Variants in LRRFIP1 observed in about 807,000 individuals in gnomAD.
LRRFIP1 encodes leucine-rich repeat flightless-interacting protein 1.
In LRRFIP1, 62 loss-of-function variants were observed where a neutral mutation model predicts 104.4. The observed-to-expected ratio is 0.59, with a 90% CI of 0.48 to 0.73. The LOEUF (loss-of-function observed/expected upper bound fraction) is 0.73, where lower values mean the gene tolerates loss of function less well. LRRFIP1 is among the 30% of genes least tolerant of loss of function. The probability of loss-of-function intolerance (pLI) is 0.00; values close to 1 mark genes in which losing one functional copy is unlikely to be tolerated. For synonymous variants in LRRFIP1, 300 were observed against 299.0 expected (o/e 1.00, Z -0.03); for missense variants, 796 against 824.5 (o/e 0.97, Z 0.42).
intron 8 of LRRFIP1, among the ~76,000 whole-genome samples, chr2:237,731,487 C>T (rs963625505): frequency 1.5e-4 from 23 of 152,000 alleles, no homozygotes; most frequent in East Asian, 1.9e-4. Flanking sequence ...AAGCTGATGG[C>T]CCTTCTGTCC....
intron 1 of LRRFIP1, among the ~76,000 whole-genome samples, chr2:237,655,102 C>CT (rs1170742860): frequency 0.022 from 1,297 of 58,328 alleles, 317 homozygotes; most frequent in African/African-American, 0.043. Flanking sequence ...GATCTCACTT[C>CT]TTTTTTTTTT....
intron 5 of LRRFIP1, 150 bp downstream of exon 5, chr2:237,719,717 G>C (rs1006290166): frequency 3.7e-6 from 2 of 543,260 alleles, no homozygotes; most frequent in African/African-American, 3.8e-5. Context: ...ATAGAATACT[G>C]ATATTATTAC....
intron 11 of LRRFIP1, among the ~76,000 whole-genome samples, chr2:237,742,475 G>A (rs968924804): frequency 1.3e-5 from 2 of 152,200 alleles, no homozygotes; most frequent in African/African-American, 4.8e-5. Flanking sequence ...ATGTGTTACG[G>A]TATCCCTTGA....
intron 23 of LRRFIP1, among the ~76,000 whole-genome samples, chr2:237,774,813 C>T (rs767239253): frequency 5.3e-5 from 8 of 152,212 alleles, no homozygotes; most frequent in Non-Finnish European, 1.2e-4. Flanking sequence ...GGACCAGGAG[C>T]CCATGGGCCT....
intron 1 of LRRFIP1, among the ~76,000 whole-genome samples, chr2:237,681,741 G>A (rs1445416560): frequency 8.2e-6 from 1 of 121,318 alleles, no homozygotes; most frequent in African/African-American, 3.1e-5. Flanking sequence ...GTGCAGTGGC[G>A]GGATCTCGGC....
At chr2:237,763,645 T>C (rs141683826) in intron 19 of LRRFIP1, 3 of 1,613,972 alleles carry the variant, frequency 1.9e-6, no homozygotes, top group South Asian at 1.1e-5. Context: ...ATGTTGATTG[T>C]CCGGAGAATC....
chr2:237,778,267 A>C (rs1416527727), intron 23 of LRRFIP1, among the ~76,000 whole-genome samples: 6 of 152,210 alleles, frequency 3.9e-5, no homozygotes, highest in African/African-American at 1.4e-4. Context: ...TGGGGTCGGG[A>C]CTTCTGTCCC....
At chr2:237,746,062 ATTT>A (rs201079085) in intron 11 of LRRFIP1, among the ~76,000 whole-genome samples, 2 of 141,026 alleles carry the variant, frequency 1.4e-5, no homozygotes, top group Admixed American at 7.1e-5. Context: ...TATTTTATTT[ATTT>A]TTTTTTTTTT....
intron 1 of LRRFIP1, among the ~76,000 whole-genome samples, chr2:237,665,490 A>C (rs1472854874): frequency 6.6e-6 from 1 of 152,216 alleles, no homozygotes; most frequent in African/African-American, 2.4e-5. Context: ...AAGCCAACAC[A>C]TCTTAATTTG....
intron 11 of LRRFIP1, among the ~76,000 whole-genome samples, chr2:237,743,431 C>T (rs1187545219): frequency 6.6e-6 from 1 of 152,192 alleles, no homozygotes; most frequent in Non-Finnish European, 1.5e-5. Context: ...GTTTTCTCCA[C>T]CCACTTGGTC....
intron 6 of LRRFIP1, chr2:237,721,720 C>T (rs1446071343): frequency 6.6e-6 from 1 of 152,208 alleles, no homozygotes. Context: ...TTTGGCCCTT[C>T]CCAATGATAA....
At chr2:237,755,367 G>A (rs3769058) in intron 15 of LRRFIP1, among the ~76,000 whole-genome samples, 43,375 of 152,078 alleles carry the variant, frequency 0.29, 6,502 homozygotes, top group East Asian at 0.53. Flanking sequence ...AGTAGGCCAT[G>A]TTTATCTCCT....
intron 19 of LRRFIP1, chr2:237,762,459 A>C: frequency 1.4e-6 from 1 of 719,798 alleles, no homozygotes; most frequent in South Asian, 2.2e-5. Flanking sequence ...CAGAACTGGC[A>C]AAGGCTTGTT....
intron 1 of LRRFIP1, among the ~76,000 whole-genome samples, chr2:237,671,301 C>A (rs1290211018): frequency 1.3e-5 from 2 of 152,188 alleles, no homozygotes; most frequent in African/African-American, 4.8e-5. Context: ...GGCCTTCAAA[C>A]CAGCTAAGGC....
chr2:237,673,091 C>T (rs755910333), intron 1 of LRRFIP1, among the ~76,000 whole-genome samples: 7 of 152,184 alleles, frequency 4.6e-5, no homozygotes, highest in African/African-American at 7.2e-5. Context: ...GAAATGAAAC[C>T]CCCACACGGA....
chr2:237,732,121 G>A (rs562835371), intron 8 of LRRFIP1, among the ~76,000 whole-genome samples: 1 of 151,640 alleles, frequency 6.6e-6, no homozygotes, highest in African/African-American at 2.4e-5. Context: ...TCCTAATTTG[G>A]CCCCATCTCC....
chr2:237,709,879 G>A (rs2093988443), intron 2 of LRRFIP1, among the ~76,000 whole-genome samples: 1 of 150,208 alleles, frequency 6.7e-6, no homozygotes, highest in Non-Finnish European at 1.5e-5. Flanking sequence ...TTGAGATCAA[G>A]TCTTGCTCTA....
chr2:237,781,485 A>G lies in LRRFIP1; in HGVS notation c.*1953A>G, dbSNP rs185389240. On this transcript the variant is annotated 3_prime_UTR_variant, in exon 24 of 24. Coordinates refer to ENST00000308482, the MANE Select transcript of LRRFIP1 (RefSeq NM_001137550.2). ...GCCCTGAGAAGATGGCGTTTTCCCT[A>G]TCAGTGGCTCTGAGGAAGTCAAGCC... Among the ~76,000 whole-genome samples the G allele has an allele frequency of 1.4e-4, 21 of 152,294 alleles. No homozygotes were observed. Among genetic ancestry groups the G allele is most frequent in the African/African-American group, 4.6e-4 (19 of 41,560 alleles).
chr2:237,730,198 A>G (rs1408270945), intron 8 of LRRFIP1, among the ~76,000 whole-genome samples: 4 of 152,254 alleles, frequency 2.6e-5, no homozygotes, highest in African/African-American at 9.6e-5. Flanking sequence ...AAACAGAACT[A>G]CTTTGAAGAG....
Sources: gnomAD v4.1 joint callset for allele counts (sites outside exome capture counted in the v4.1 genomes callset) on GRCh38, gnomAD v4.1.1 for gene constraint, MANE v1.5 for transcripts, NCBI Gene and HGNC (gene_info 2026-07-23, HGNC 2026-07-21) for gene names.